RASAL3: variants seen among roughly 807,000 people sequenced by gnomAD.
RASAL3 encodes the protein RAS protein activator like 3.
In RASAL3, 74 loss-of-function variants were observed where a neutral mutation model predicts 105.5. That is an observed-to-expected ratio of 0.70 (90% CI 0.58 to 0.85). The LOEUF is 0.85. Ranked by LOEUF, RASAL3 falls within the 40% of genes least tolerant of loss-of-function variation. The pLI is 0.00. For synonymous variants in RASAL3, 579 were observed against 591.6 expected, an observed-to-expected ratio of 0.98 and a Z score of 0.31; for missense variants, 1,352 against 1,392.0, an observed-to-expected ratio of 0.97 and a Z score of 0.46.
At position 15,456,487 on chromosome 19, in the gene RASAL3, T is replaced by C. The variant is rs1233277322; in HGVS notation, c.1576+15A>G. The C allele has an allele frequency of 6.2e-7, 1 of 1,613,032 alleles. No individual in the cohort carries two copies. Among genetic ancestry groups the C allele is most frequent in the African/African-American group, 1.3e-5 (1 of 74,892 alleles). Reference sequence around the variant, plus strand: ...TCACCAGCAGGCCGCTGACATGGACTCTCCCCCAGCTCACCCAGGGTCTCC... The same window carrying C: ...TCACCAGCAGGCCGCTGACATGGACCCTCCCCCAGCTCACCCAGGGTCTCC... On this transcript the variant is annotated intron_variant, in intron 10 of 17. Coordinates refer to ENST00000343625, the MANE Select transcript of RASAL3 (RefSeq NM_022904.3). The surrounding 1 kb of genome is among the most constrained non-coding windows in gnomAD (Gnocchi z 4.4).
At position 15,457,811 on chromosome 19, in the gene RASAL3, T is replaced by C. The variant is rs1018391784; in HGVS notation, c.912A>G (p.Thr304=). 10 of 1,548,240 alleles carry C rather than the reference T, an allele frequency of 6.5e-6. No homozygotes were observed. The highest frequency in any genetic ancestry group is 2.3e-4 in the Middle Eastern group (1 of 4,428). ...CTTCGTGCACCCACACGCTCAGCCATGTCTCTTCCCGCTCCACGTTGTCCT... is the reference window on the plus strand; with the variant it reads ...CTTCGTGCACCCACACGCTCAGCCACGTCTCTTCCCGCTCCACGTTGTCCT... ...PTQDNVEREE[T]WLSVWVHEAK... The change falls in exon 9 of 18, where the codon ACA becomes ACG. Residue 304 remains threonine, a synonymous_variant. Coordinates refer to ENST00000343625, the MANE Select transcript of RASAL3 (RefSeq NM_022904.3). This position sits in a 1 kb window ranked among gnomAD's most constrained non-coding sequence, Gnocchi z 8.6.
chr19:15,458,804 C>T, intron 6 of RASAL3, 149 bp from the exon 7 acceptor site: 1 of 1,114,146 alleles, frequency 9.0e-7, no homozygotes, highest in Non-Finnish European at 1.2e-6. Flanking sequence ...CATGGCACCT[C>T]CTTGCTTTTA....
intron 16 of RASAL3, 196 bp from the exon 17 acceptor site, chr19:15,452,304 A>G: frequency 1.6e-6 from 1 of 628,764 alleles, no homozygotes; most frequent in Non-Finnish European, 2.9e-6. Flanking sequence ...AGGACCTATC[A>G]ATCATCCCTT....
intron 5 of RASAL3, 78 bp downstream of exon 5, chr19:15,460,982 C>G: frequency 7.3e-7 from 1 of 1,361,378 alleles, no homozygotes; most frequent in Non-Finnish European, 1.0e-6. Context: ...GATCACCCAG[C>G]AAGAGTGCCC....
At chr19:15,458,307 C>T (rs1423422107) in intron 8 of RASAL3, 21 bp downstream of exon 8, 11 of 1,608,240 alleles carry the variant, frequency 6.8e-6, no homozygotes, top group Non-Finnish European at 9.3e-6. Flanking sequence ...CTCCGTGTCC[C>T]GCTTTTCTGA....
chr19:15,462,473 G>A (rs932548694), intron 2 of RASAL3, among the ~76,000 whole-genome samples: 1 of 113,912 alleles, frequency 8.8e-6, no homozygotes, highest in Admixed American at 8.5e-5. Context: ...GCAAGGAAGT[G>A]AGACTGTGTC....
In RASAL3 at chr19:15,464,016, G is replaced by A. The variant is rs189133549; in HGVS notation, c.328+15C>T. On this transcript the variant is annotated intron_variant, in intron 2 of 17. Transcript: ENST00000343625. ...TCCCAGCCCGGCCCAAGCTCAGGGT[G>A]GGGGAACCATGTACCTGGGGCCTCC... 11 of 1,533,472 alleles carry A rather than the reference G, an allele frequency of 7.2e-6. No homozygotes were observed. In the South Asian group the frequency reaches 1.3e-4, roughly 18 times the overall value. 95.0% of individuals were successfully genotyped at this position (1,533,472 alleles called of 1,614,324 possible). A position where few individuals can be genotyped will look rare whatever the true frequency, so the allele number is the denominator to read the frequency against.
At chr19:15,458,777 C>T (rs1359070522) in intron 6 of RASAL3, 122 bp from the exon 7 acceptor site, 4 of 1,131,426 alleles carry the variant, frequency 3.5e-6, no homozygotes, top group Admixed American at 3.3e-5. Flanking sequence ...CTCCCCCGTG[C>T]CCCCCCCACC....
Position 15,464,225 on chromosome 19 carries a change from C to A in RASAL3, c.134G>T (p.Gly45Val). 1.9e-6 allele frequency: 3 copies of A among 1,609,130 alleles called. No homozygotes were observed. The highest frequency in any genetic ancestry group is 2.7e-5 in the African/African-American group (2 of 74,682). Residue 45 changes from glycine (G) to valine (V), a missense_variant, in exon 2 of 18, where the codon GGC becomes GTC. By Grantham distance (109) the Gly-to-Val change is moderately radical. Coordinates refer to ENST00000343625, the MANE Select transcript of RASAL3 (RefSeq NM_022904.3). ...AGGFRWGRFAGWGRALSHQEP... is the reference protein window; with the variant it reads ...AGGFRWGRFAVWGRALSHQEP... ...CTGGTGGCTCAGGGCCCTGCCCCAG[C>A]CAGCAAAGCGGCCCCAGCGGAACCC...
chr19:15,458,217 A>G (rs1970389567), intron 8 of RASAL3, 111 bp downstream of exon 8: 1 of 922,162 alleles, frequency 1.1e-6, no homozygotes, highest in Non-Finnish European at 1.7e-6. Context: ...CAGGCGGGGC[A>G]GGTGTGTTGG....
chr19:15,462,140 AC>A lies in RASAL3; in HGVS notation c.329-534del, dbSNP rs1448022434. Among the ~76,000 whole-genome samples the A allele has an allele frequency of 4.6e-5, 7 of 151,910 alleles. No individual in the cohort carries two copies. In the East Asian group the frequency reaches 1.4e-3, roughly 29 times the overall value. ...GCCGAGGTGGGGCAGATTGCTTGAG[AC>A]CAGGAGTTTGAGACCAGCCTGGGCA... On this transcript the variant is annotated intron_variant, in intron 2 of 17. Coordinates refer to ENST00000343625, the MANE Select transcript of RASAL3 (RefSeq NM_022904.3).
At position 15,456,609 on chromosome 19, in the gene RASAL3, C is replaced by T. The variant is rs1238820200; in HGVS notation, c.1469G>A (p.Arg490His). 1 of 1,613,294 alleles carries T rather than the reference C, an allele frequency of 6.2e-7. No individual in the cohort carries two copies. The highest frequency in any genetic ancestry group is 8.5e-7 in the Non-Finnish European group (1 of 1,179,708). ...VTDLGTAELA[R>H]CGGREALLFR... ...CAGCAGCGCCTCACGGCCTCCACAG[C>T]GCGCCAGCTCCGCAGTGCCCAGGTC... The change falls in exon 10 of 18, where the codon CGC (arginine) becomes CAC (histidine). Residue 490 changes from arginine (R) to histidine (H), a missense_variant. By Grantham distance (29) the Arg-to-His change is conservative. Around this residue, in one of 3 missense-constraint regions of RASAL3, gnomAD observed 920 missense variants for 919.6 expected, o/e 1.00. Coordinates refer to ENST00000343625, the MANE Select transcript of RASAL3 (RefSeq NM_022904.3). This position sits in a 1 kb window ranked among gnomAD's most constrained non-coding sequence, Gnocchi z 4.4.
rs1970402480 is a variant in RASAL3 at position 15,458,518 on chromosome 19, T to A, written c.789+11A>T. The A allele has an allele frequency of 1.2e-6, 2 of 1,613,862 alleles. No homozygotes were observed. The highest frequency in any genetic ancestry group is 1.7e-6 in the Non-Finnish European group (2 of 1,179,828). On this transcript the variant is annotated intron_variant, in intron 7 of 17. Coordinates refer to ENST00000343625, the MANE Select transcript of RASAL3 (RefSeq NM_022904.3). Reference sequence around the variant, plus strand: ...ACTGAGGTGGAATCGAGGTGGACTGTCTACACTTACCTGAAAGCAGTGGGG... The same window carrying A: ...ACTGAGGTGGAATCGAGGTGGACTGACTACACTTACCTGAAAGCAGTGGGG...
rs1400925148 is a variant in RASAL3 at position 15,461,314 on chromosome 19, T to C, written c.466-18A>G. 1.2e-6 allele frequency: 2 copies of C among 1,609,608 alleles called. No individual in the cohort carries two copies. The highest frequency in any genetic ancestry group is 1.7e-6 in the Non-Finnish European group (2 of 1,177,798). On this transcript the variant is annotated intron_variant, in intron 3 of 17. Coordinates refer to ENST00000343625, the MANE Select transcript of RASAL3 (RefSeq NM_022904.3). ...CGAGGACCCTGTTCTCCCGCAGGAG[T>C]GGGTAGTCAGAGAGGGGAGGCAGGC...
At chr19:15,452,429 G>T in intron 16 of RASAL3, 1 of 596,120 alleles carries the variant, frequency 1.7e-6, no homozygotes, top group Non-Finnish European at 3.0e-6. Context: ...ATGGAGGGGT[G>T]GGGCCTGGAT....
Position 15,453,466 on chromosome 19 carries a change from C to G in RASAL3, c.2311G>C (p.Ala771Pro). 2.6e-6 allele frequency: 4 copies of G among 1,541,170 alleles called. No homozygotes were observed. Among genetic ancestry groups the G allele is most frequent in the Admixed American group, 2.3e-5 (1 of 44,326 alleles). Reference protein sequence around the residue: ...LSAGEKPGFLAPRDLPKHTPL... With the variant: ...LSAGEKPGFLPPRDLPKHTPL... Reference sequence around the variant, plus strand: ...GTGTGCTTGGGGAGGTCCCGGGGGGCCAGGAAGCCGGGCTTCTCCCCTGCG... The same window carrying G: ...GTGTGCTTGGGGAGGTCCCGGGGGGGCAGGAAGCCGGGCTTCTCCCCTGCG... Residue 771 changes from alanine (A) to proline (P), a missense_variant, in exon 15 of 18, where the codon GCC becomes CCC. This residue lies in a region of RASAL3 where 920 missense variants were observed against 919.6 expected (regional missense o/e 1.00). Transcript: ENST00000343625. The surrounding 1 kb of genome is among the most constrained non-coding windows in gnomAD (Gnocchi z 4.2).
chr19:15,454,369 G>A lies in RASAL3; in HGVS notation c.2152C>T (p.Leu718Phe), dbSNP rs745414515. Residue 718 changes from leucine to phenylalanine, a missense_variant, in exon 13 of 18, where the codon CTT becomes TTT. By Grantham distance (22) the Leu-to-Phe change is conservative. Transcript: ENST00000343625. ...CTGGGTTCAGGCCATACCTGGTCAA[G>A]CTCAGCAAAAATTGTACAGAGCTGG... Reference protein sequence around the residue: ...HAQLCTIFAELDQTTRDTLEP... With the variant: ...HAQLCTIFAEFDQTTRDTLEP... 1 of 1,611,404 alleles carries A rather than the reference G, an allele frequency of 6.2e-7. No homozygotes were observed. Among genetic ancestry groups the A allele is most frequent in the Admixed American group, 1.7e-5 (1 of 59,510 alleles).
In RASAL3 at chr19:15,456,916, C is replaced by T; in HGVS notation, c.1432-270G>A. On this transcript the variant is annotated intron_variant, in intron 9 of 17. Coordinates refer to ENST00000343625, the MANE Select transcript of RASAL3 (RefSeq NM_022904.3). The surrounding 1 kb of genome is among the most constrained non-coding windows in gnomAD (Gnocchi z 4.4). ...TGTCGCAGCTGAAGCTTAGGCTCCG[C>T]TCTTCAAGGTGTCCCGCCCCTTATG... The T allele has an allele frequency of 1.8e-6, 1 of 548,430 alleles. No homozygotes were observed. Among genetic ancestry groups the T allele is most frequent in the South Asian group, 2.2e-5 (1 of 45,288 alleles). 34.0% of individuals were successfully genotyped at this position (548,430 alleles called of 1,614,324 possible).
At chr19:15,460,527 C>A (rs6512033) in intron 5 of RASAL3, among the ~76,000 whole-genome samples, 31,082 of 152,032 alleles carry the variant, frequency 0.2, 3,326 homozygotes, top group East Asian at 0.28. Flanking sequence ...AAGTGATCCT[C>A]TTGCCTCAGC....
Sources: allele counts gnomAD v4.1 joint callset (sites outside exome capture counted in the v4.1 genomes callset), GRCh38; gene constraint gnomAD v4.1.1; regional missense constraint gnomAD v4.1.1; non-coding constraint Gnocchi (gnomAD v3.1); transcripts MANE v1.5; gene names NCBI Gene and HGNC (gene_info 2026-07-23, HGNC 2026-07-21).